CES5A: variants seen among roughly 807,000 people sequenced by gnomAD.
CES5A encodes the protein carboxylesterase 5.
In CES5A, 67 loss-of-function variants were observed where a neutral mutation model predicts 62.9. The observed-to-expected ratio is 1.07, with a 90% confidence interval of 0.88 to 1.31. CES5A has a LOEUF of 1.31. Among genes scored for constraint, CES5A ranks in the 50% most tolerant of loss-of-function variants. The pLI is 0.00. For missense variants in CES5A, 748 were observed against 708.5 expected, an observed-to-expected ratio of 1.06 and a Z score of -0.63; for synonymous variants, 296 against 280.8, an observed-to-expected ratio of 1.05 and a Z score of -0.54.
chr16:55,930,629 C>T (rs1174767713), intron 2 of CES5A, among the ~76,000 whole-genome samples: 5 of 152,226 alleles, frequency 3.3e-5, no homozygotes, highest in Non-Finnish European at 7.3e-5. Context: ...GTCTTCAGAA[C>T]TGTCCCAGGC....
chr16:55,897,381 G>A (rs1232714316), intron 1 of CES5A, among the ~76,000 whole-genome samples: 1 of 152,120 alleles, frequency 6.6e-6, no homozygotes. Flanking sequence ...ACTTACAGAA[G>A]GGGGAAAAAG....
chr16:55,894,967 T>C (rs1476862779), intron 1 of CES5A, among the ~76,000 whole-genome samples: 2 of 152,232 alleles, frequency 1.3e-5, no homozygotes, highest in African/African-American at 4.8e-5. Flanking sequence ...GATAAGAGCT[T>C]TGAAAGTTCT....
At position 55,859,613 on chromosome 16, in the gene CES5A, T is replaced by C; in HGVS notation, c.990A>G (p.Lys330=). The C allele has an allele frequency of 1.2e-6, 2 of 1,613,842 alleles. No homozygotes were observed. The highest frequency in any genetic ancestry group is 2.2e-5 in the South Asian group (2 of 90,984). The part of the protein sequence containing the change: ...PNEPLDLLSQ[K]AFKAIPSIIG... ...TGATGGAAGGAATTGCTTTAAATGC[T>C]TTCTGAGACAATAGATCTAGAGGCT... Residue 330 remains lysine, a synonymous_variant, in exon 8 of 13, where the codon AAA becomes AAG. Transcript: ENST00000290567.
upstream of CES5A, among the ~76,000 whole-genome samples, chr16:55,876,203 T>C (rs908862398): frequency 6.6e-6 from 1 of 152,248 alleles, no homozygotes; most frequent in Non-Finnish European, 1.5e-5. Flanking sequence ...CTAGACCTTC[T>C]GTCTTCACAA....
upstream of CES5A, among the ~76,000 whole-genome samples, chr16:55,926,128 T>C (rs1374311061): frequency 1.3e-5 from 2 of 152,154 alleles, no homozygotes; most frequent in Non-Finnish European, 2.9e-5. Flanking sequence ...TGAATTAACA[T>C]GGTTCTGGAA....
intron 2 of CES5A, among the ~76,000 whole-genome samples, chr16:55,942,222 C>A (rs1348144412): frequency 6.6e-6 from 1 of 152,090 alleles, no homozygotes; most frequent in African/African-American, 2.4e-5. Context: ...CAATAGGTAA[C>A]TTGAACTTAA....
At chr16:55,890,821 C>A (rs1292508736) in intron 1 of CES5A, among the ~76,000 whole-genome samples, 2 of 152,116 alleles carry the variant, frequency 1.3e-5, no homozygotes, top group African/African-American at 2.4e-5. Flanking sequence ...TTTATTTCGC[C>A]AAGGTTGAGG....
chr16:55,897,673 C>T (rs1278261981), intron 1 of CES5A, among the ~76,000 whole-genome samples: 4 of 152,204 alleles, frequency 2.6e-5, no homozygotes, highest in Non-Finnish European at 5.9e-5. Context: ...CCACATGGGA[C>T]AGATAGTTTC....
intron 2 of CES5A, among the ~76,000 whole-genome samples, chr16:55,944,663 C>T (rs1325306440): frequency 1.3e-5 from 2 of 152,184 alleles, no homozygotes; most frequent in Non-Finnish European, 2.9e-5. Context: ...CGCATTTCAA[C>T]GCTAACTGTT....
At chr16:55,850,936 C>A (rs1450813946) in intron 10 of CES5A, among the ~76,000 whole-genome samples, 1 of 152,086 alleles carries the variant, frequency 6.6e-6, no homozygotes, top group African/African-American at 2.4e-5. Flanking sequence ...TAGTATATGA[C>A]ACATGCAAAA....
chr16:55,946,936 A>G (rs1215835767), intron 2 of CES5A, among the ~76,000 whole-genome samples: 2 of 152,220 alleles, frequency 1.3e-5, no homozygotes, highest in East Asian at 3.9e-4. Context: ...GTCTATTTCA[A>G]GCTGCTGCTG....
intron 10 of CES5A, among the ~76,000 whole-genome samples, chr16:55,851,240 T>A (rs1456678036): frequency 1.3e-5 from 2 of 152,122 alleles, no homozygotes; most frequent in African/African-American, 4.8e-5. Context: ...TATTTGCAAG[T>A]CATATATCTC....
intron 2 of CES5A, among the ~76,000 whole-genome samples, chr16:55,948,143 G>A (rs1371271492): frequency 1.3e-5 from 2 of 152,142 alleles, no homozygotes; most frequent in African/African-American, 4.8e-5. Context: ...TTGAGGACGT[G>A]CCTGGGATAA....
chr16:55,860,155 T>A (rs1470011630), intron 7 of CES5A, among the ~76,000 whole-genome samples: 1 of 137,520 alleles, frequency 7.3e-6, no homozygotes, highest in Non-Finnish European at 1.6e-5. Flanking sequence ...CTGAACAAGC[T>A]TTTTTTTTGC....
intron 1 of CES5A, among the ~76,000 whole-genome samples, chr16:55,924,017 G>T (rs2034234833): frequency 1.3e-5 from 2 of 151,818 alleles, no homozygotes; most frequent in Non-Finnish European, 3.0e-5. Flanking sequence ...AGACAAGTAT[G>T]CCCACTTTCA....
intron 1 of CES5A, among the ~76,000 whole-genome samples, chr16:55,951,271 C>T (rs1168020633): frequency 6.6e-6 from 1 of 151,920 alleles, no homozygotes; most frequent in Non-Finnish European, 1.5e-5. Context: ...AATTTATGTC[C>T]TCACAGTTCT....
At chr16:55,858,591 A>G (rs2033290262) in intron 8 of CES5A, among the ~76,000 whole-genome samples, 1 of 152,230 alleles carries the variant, frequency 6.6e-6, no homozygotes, top group Non-Finnish European at 1.5e-5. Context: ...CAAATTAATA[A>G]TGGCAGAACA....
At chr16:55,908,827 G>A (rs868824782) in intron 1 of CES5A, among the ~76,000 whole-genome samples, 44 of 152,296 alleles carry the variant, frequency 2.9e-4, no homozygotes, top group African/African-American at 8.7e-4. Context: ...TGGGTGCCCC[G>A]TGGAGGCCTC....
intron 1 of CES5A, among the ~76,000 whole-genome samples, chr16:55,884,203 C>T (rs2033790204): frequency 6.6e-6 from 1 of 152,226 alleles, no homozygotes; most frequent in Admixed American, 6.5e-5. Context: ...GATCTGGGAA[C>T]TGAGCAAAGA....
Sources: allele counts gnomAD v4.1 joint callset (sites outside exome capture counted in the v4.1 genomes callset), GRCh38; gene constraint gnomAD v4.1.1; transcripts MANE v1.5; gene names NCBI Gene and HGNC (gene_info 2026-07-23, HGNC 2026-07-21).